The following RABGAP1L variants were observed in gnomAD, a reference collection of about 807,000 sequenced individuals.
RABGAP1L encodes rab GTPase-activating protein 1-like.
Under a neutral mutation model 137.7 loss-of-function variants are expected in RABGAP1L, and 63 were observed. That is an observed-to-expected ratio of 0.46 (90% CI 0.37 to 0.56). The LOEUF (loss-of-function observed/expected upper bound fraction) is 0.56. Among genes scored for constraint, RABGAP1L ranks in the 20% least tolerant of loss-of-function variants. The probability of loss-of-function intolerance (pLI) is 0.00; values close to 1 mark genes in which losing one functional copy is unlikely to be tolerated. For missense variants in RABGAP1L, 1,095 were observed against 1,244.0 expected (o/e 0.88, Z 1.80); for synonymous variants, 431 against 433.7 (o/e 0.99, Z 0.08).
intron 19 of RABGAP1L, among the ~76,000 whole-genome samples, chr1:174,925,814 T>A (rs1662690865): frequency 6.7e-6 from 1 of 148,736 alleles, no homozygotes; most frequent in Admixed American, 6.7e-5. Flanking sequence ...ATAGAGAACC[T>A]GATTTTTCTC....
intron 1 of RABGAP1L, among the ~76,000 whole-genome samples, chr1:174,201,747 C>T (rs886982441): frequency 2.1e-4 from 31 of 150,186 alleles, no homozygotes; most frequent in Non-Finnish European, 3.2e-4. Flanking sequence ...GTGTGCTGCA[C>T]CCATTAACTC....
intron 13 of RABGAP1L, among the ~76,000 whole-genome samples, chr1:174,625,621 C>T (rs1313370233): frequency 6.6e-6 from 1 of 152,062 alleles, no homozygotes; most frequent in Non-Finnish European, 1.5e-5. Context: ...TTGTATTATT[C>T]AATTTATGAA....
At chr1:174,647,972 A>G (rs184190988) in intron 14 of RABGAP1L, among the ~76,000 whole-genome samples, 14 of 152,184 alleles carry the variant, frequency 9.2e-5, no homozygotes, top group Non-Finnish European at 1.3e-4. Context: ...CATTTCTTCT[A>G]GATTTTCTAG....
At chr1:174,548,947 T>G (rs987851948) in intron 13 of RABGAP1L, among the ~76,000 whole-genome samples, 1 of 152,222 alleles carries the variant, frequency 6.6e-6, no homozygotes, top group Non-Finnish European at 1.5e-5. Context: ...TGTTTTACTA[T>G]TGTGCTTATC....
At chr1:174,898,906 A>T (rs938759132) in intron 19 of RABGAP1L, among the ~76,000 whole-genome samples, 1 of 152,246 alleles carries the variant, frequency 6.6e-6, no homozygotes, top group African/African-American at 2.4e-5. Flanking sequence ...AGCAGGCAAG[A>T]TTGATATTAA....
At chr1:174,617,354 A>G (rs964575414) in intron 13 of RABGAP1L, among the ~76,000 whole-genome samples, 5 of 152,228 alleles carry the variant, frequency 3.3e-5, no homozygotes, top group Non-Finnish European at 7.3e-5. Flanking sequence ...GTAGAGTATC[A>G]GGAAAGAAAG....
intron 11 of RABGAP1L, among the ~76,000 whole-genome samples, chr1:174,319,151 C>A (rs1386300042): frequency 1.3e-5 from 2 of 151,970 alleles, no homozygotes; most frequent in African/African-American, 4.8e-5. Flanking sequence ...TCTTTTCTTT[C>A]AGGTTGAAGA....
At chr1:174,875,508 T>C in intron 19 of RABGAP1L, 1 of 985,144 alleles carries the variant, frequency 1.0e-6, no homozygotes, top group African/African-American at 1.7e-5. Context: ...CCACAACAGG[T>C]GTCTTTGTCA....
At chr1:174,775,407 A>G (rs1007457129) in intron 18 of RABGAP1L, among the ~76,000 whole-genome samples, 34 of 150,812 alleles carry the variant, frequency 2.3e-4, no homozygotes, top group African/African-American at 7.6e-4. Flanking sequence ...TCCACCTCCC[A>G]GGTTCAAGAG....
intron 19 of RABGAP1L, among the ~76,000 whole-genome samples, chr1:174,902,578 C>G (rs1242984014): frequency 6.6e-6 from 1 of 152,244 alleles, no homozygotes; most frequent in Admixed American, 6.5e-5. Flanking sequence ...GGCTACTCTG[C>G]CGTGACTCCA....
intron 19 of RABGAP1L, among the ~76,000 whole-genome samples, chr1:174,912,243 G>A (rs1660168965): frequency 6.6e-6 from 1 of 152,142 alleles, no homozygotes; most frequent in Non-Finnish European, 1.5e-5. Flanking sequence ...CTTGGCTGAA[G>A]CAATCCTCCT....
At chr1:174,166,659 G>T (rs1664933368) in intron 1 of RABGAP1L, among the ~76,000 whole-genome samples, 1 of 152,210 alleles carries the variant, frequency 6.6e-6, no homozygotes, top group African/African-American at 2.4e-5. Context: ...TCAAGTTGAA[G>T]TACTGGTGGC....
intron 17 of RABGAP1L, among the ~76,000 whole-genome samples, chr1:174,709,108 C>T (rs1006134149): frequency 1.3e-5 from 2 of 152,188 alleles, no homozygotes; most frequent in African/African-American, 4.8e-5. Context: ...CTGCTGTAGC[C>T]ATAGCACCTC....
At chr1:174,483,149 T>G (rs1164727033) in intron 13 of RABGAP1L, among the ~76,000 whole-genome samples, 2 of 152,196 alleles carry the variant, frequency 1.3e-5, no homozygotes, top group Non-Finnish European at 2.9e-5. Context: ...ATTATATCCT[T>G]TTTAGTTGTT....
intron 18 of RABGAP1L, among the ~76,000 whole-genome samples, chr1:174,804,193 G>A (rs151240117): frequency 6.6e-6 from 1 of 152,082 alleles, no homozygotes; most frequent in East Asian, 1.9e-4. Context: ...GGAGAAGGAG[G>A]AGAAACTTTG....
At chr1:174,706,250 T>G (rs574268579) in intron 17 of RABGAP1L, among the ~76,000 whole-genome samples, 1 of 152,280 alleles carries the variant, frequency 6.6e-6, no homozygotes, top group Non-Finnish European at 1.5e-5. Context: ...CAACTGCTAA[T>G]TATTAATAGT....
chr1:174,220,997 T>G lies in RABGAP1L; in HGVS notation c.164T>G (p.Leu55Trp), dbSNP rs781773559. The change falls in exon 3 of 26, where the codon TTG becomes TGG. Residue 55 changes from leucine (L) to tryptophan (W), a missense_variant. Around this residue, in one of 4 missense-constraint regions of RABGAP1L, gnomAD observed 356 missense variants for 326.3 expected, o/e 1.09. Coordinates refer to ENST00000681986, the MANE Select transcript of RABGAP1L (RefSeq NM_001366446.1). Reference protein sequence around the residue: ...LKIVSNGDEQLEKAMEEILRD... With the variant: ...LKIVSNGDEQWEKAMEEILRD... ...ATAGTTTCTAATGGTGATGAACAAT[T>G]GGAAAAAGCCATGGAAGAGATTTTG... is the stretch of plus-strand genomic sequence containing the variant. The G allele has an allele frequency of 1.9e-6, 3 of 1,611,534 alleles. No individual in the cohort carries two copies. In the South Asian group the frequency reaches 3.3e-5, roughly 18 times the overall value.
rs1553319718 is a variant in RABGAP1L, at chr1:174,516,166, C to CACACACACAT, written c.1711-121209_1711-121208insACACACACAT. On this transcript the variant is annotated intron_variant, in intron 13 of 25. Transcript: ENST00000681986. ...ACACACACACACACACACACACACA[C>CACACACACAT]GCTTTGAGATAGGGTCTCGCTCTGT... is the stretch of plus-strand genomic sequence containing the variant. Among the ~76,000 whole-genome samples the CACACACACAT allele has an allele frequency of 1.5e-3, 230 of 149,862 alleles. 1 individual carries two copies. Among genetic ancestry groups the CACACACACAT allele is most frequent in the African/African-American group, 5.2e-3 (211 of 40,192 alleles).
Position 174,964,105 on chromosome 1 carries a change from T to C in RABGAP1L, c.2434-5172T>C, listed in dbSNP as rs375486353. ...ATCTTCATTATGGACAACATAGATA[T>C]TTAAACATTTTATCTGTAGGCATTT... On this transcript the variant is annotated intron_variant, in intron 20 of 25. Coordinates refer to ENST00000681986, the MANE Select transcript of RABGAP1L (RefSeq NM_001366446.1). Among the ~76,000 whole-genome samples, 218 of 152,308 alleles carry C rather than the reference T, an allele frequency of 1.4e-3. 8 individuals are homozygous for C. In the South Asian group the frequency reaches 0.042, roughly 30 times the overall value.
Sources: allele counts gnomAD v4.1 joint callset (sites outside exome capture counted in the v4.1 genomes callset), GRCh38; gene constraint gnomAD v4.1.1; regional missense constraint gnomAD v4.1.1; transcripts MANE v1.5; gene names NCBI Gene and HGNC (gene_info 2026-07-23, HGNC 2026-07-21).